Variants in LONRF2 observed in about 807,000 individuals in gnomAD.
LONRF2 encodes LON peptidase N-terminal domain and RING finger protein 2.
LONRF2 carries 35 observed loss-of-function variants against 66.6 expected under a neutral mutation model. That is an observed-to-expected ratio of 0.53 (90% CI 0.40 to 0.70). The LOEUF (loss-of-function observed/expected upper bound fraction) is 0.70, where lower values mean the gene tolerates loss of function less well. Ranked by LOEUF, LONRF2 falls within the 30% of genes least tolerant of loss-of-function variation. LONRF2 has a pLI of 0.00. For missense variants in LONRF2, 902 were observed against 1,002.1 expected (o/e 0.90, Z 1.35); for synonymous variants, 417 against 418.1 (o/e 1.00, Z 0.03).
At chr2:100,284,550 A>C in intron 11 of LONRF2, 58 bp from the exon 12 acceptor site, 1 of 1,380,058 alleles carries the variant, frequency 7.2e-7, no homozygotes. Flanking sequence ...CCTGTTCCCC[A>C]ACACAGTCTT....
rs751514318 is a variant in LONRF2 at position 100,318,403 on chromosome 2, G to A, written c.679+3012C>T. 5.9e-5 allele frequency among the ~76,000 whole-genome samples: 9 copies of A among 151,912 alleles called. No homozygotes were observed. In the East Asian group the frequency reaches 7.7e-4, roughly 13 times the overall value. ...TTTTAAATTCCACTCATAACTTATC[G>A]GCCAAAAGTAGTCACATGGCTCCAC... On this transcript the variant is annotated intron_variant, in intron 1 of 11. Transcript: ENST00000393437.
At chr2:100,302,793 T>A (rs749686747) in intron 3 of LONRF2, 128 bp downstream of exon 3, 120 of 940,620 alleles carry the variant, frequency 1.3e-4, no homozygotes, top group Non-Finnish European at 1.6e-4. Flanking sequence ...GCCATGCGTT[T>A]TTTATTGCAT....
rs1191363934 is a variant in LONRF2, at chr2:100,282,879, A to G, written c.*1419T>C. The G allele has an allele frequency of 6.9e-6, 1 of 144,758 alleles. No homozygotes were observed. The highest frequency in any genetic ancestry group is 1.5e-5 in the Non-Finnish European group (1 of 66,438). 9.0% of individuals were successfully genotyped at this position (144,758 alleles called of 1,614,324 possible). A position where few individuals can be genotyped will look rare whatever the true frequency, so the allele number is the denominator to read the frequency against. On this transcript the variant is annotated 3_prime_UTR_variant, in exon 12 of 12. Coordinates refer to ENST00000393437, the MANE Select transcript of LONRF2 (RefSeq NM_198461.4). ...TCTACTGAAAACTAAAGAAAAATTA[A>G]TAATATTATAAAGTCTTTCTAATAA...
chr2:100,319,694 C>A (rs1675582601), intron 1 of LONRF2, among the ~76,000 whole-genome samples: 1 of 152,176 alleles, frequency 6.6e-6, no homozygotes, highest in Non-Finnish European at 1.5e-5. Context: ...GATTTATTTT[C>A]TTTCTGTATA....
At position 100,306,697 on chromosome 2, in the gene LONRF2, C is replaced by T. The variant is rs548135957; in HGVS notation, c.798+2410G>A. Reference sequence around the variant, plus strand: ...ACACACTGCTGTAACCCACCTCCCCCCAGAATCTAGAAGTGCTTCTCAAAG... The same window carrying T: ...ACACACTGCTGTAACCCACCTCCCCTCAGAATCTAGAAGTGCTTCTCAAAG... On this transcript the variant is annotated intron_variant, in intron 2 of 11. Coordinates refer to ENST00000393437, the MANE Select transcript of LONRF2 (RefSeq NM_198461.4). Among the ~76,000 whole-genome samples the T allele has an allele frequency of 2.0e-4, 31 of 152,168 alleles. No individual in the cohort carries two copies. In the South Asian group the frequency reaches 6.2e-3, roughly 31 times the overall value.
Position 100,275,544 on chromosome 2 carries a change from C to G in LONRF2, c.*8754G>C, listed in dbSNP as rs1674583450. 6.6e-6 allele frequency: 1 copy of G among 152,380 alleles called. No individual in the cohort carries two copies. The highest frequency in any genetic ancestry group is 2.4e-5 in the African/African-American group (1 of 41,594). 9.4% of individuals were successfully genotyped at this position (152,380 alleles called of 1,614,324 possible). Reference sequence around the variant, plus strand: ...AGAGGCACCCTCCTCACAGAAATGACAGCCGCCAAAAGGTTTAAATGTTGC... The same window carrying G: ...AGAGGCACCCTCCTCACAGAAATGAGAGCCGCCAAAAGGTTTAAATGTTGC... On this transcript the variant is annotated 3_prime_UTR_variant, in exon 12 of 12. Transcript: ENST00000393437.
intron 9 of LONRF2, among the ~76,000 whole-genome samples, chr2:100,291,791 A>C (rs1174263464): frequency 6.6e-6 from 1 of 151,972 alleles, no homozygotes; most frequent in East Asian, 1.9e-4. Context: ...GGCTATGTCT[A>C]TTCTCATTCC....
At chr2:100,310,825 A>G (rs996151558) in intron 1 of LONRF2, among the ~76,000 whole-genome samples, 3 of 152,244 alleles carry the variant, frequency 2.0e-5, no homozygotes, top group Admixed American at 6.5e-5. Context: ...AACAAGAAGG[A>G]AAACAAATTT....
At position 100,284,385 on chromosome 2, in the gene LONRF2, G is replaced by A; in HGVS notation, c.2178C>T (p.Leu726=). The change falls in exon 12 of 12, where the codon CTC becomes CTT. Residue 726 remains leucine (L), a synonymous_variant. Transcript: ENST00000393437. ...ILGMTSLKER[L]LAIRRILVII... is the part of the protein sequence containing the mutation. ...TGACTAATATCCGTCGGATGGCAAG[G>A]AGCCGCTCTTTGAGCGAGGTCATGC... The A allele has an allele frequency of 1.9e-6, 3 of 1,600,506 alleles. No homozygotes were observed. Among genetic ancestry groups the A allele is most frequent in the Non-Finnish European group, 2.6e-6 (3 of 1,173,422 alleles).
At position 100,286,926 on chromosome 2, in the gene LONRF2, T is replaced by C; in HGVS notation, c.2058A>G (p.Glu686=). The C allele has an allele frequency of 6.2e-7, 1 of 1,613,790 alleles. No individual in the cohort carries two copies. Among genetic ancestry groups the C allele is most frequent in the South Asian group, 1.1e-5 (1 of 90,994 alleles). ...LSHFGVMPDR[E]PEPQSNPSGP... ...AGGGAGGGCATACCTGAGGCTCAGG[T>C]TCTCTGTCTGGCATTACCCCAAAAT... The change falls in exon 11 of 12, where the codon GAA becomes GAG. Residue 686 remains glutamate, a synonymous_variant. Transcript: ENST00000393437.
At chr2:100,304,486 C>T (rs1946802) in intron 2 of LONRF2, among the ~76,000 whole-genome samples, 3 of 152,110 alleles carry the variant, frequency 2.0e-5, no homozygotes, top group African/African-American at 7.2e-5. Flanking sequence ...TGAGATTGCT[C>T]TTAAGTCAAA....
chr2:100,322,192 C>T lies in LONRF2; in HGVS notation c.-99G>A. 8.7e-7 allele frequency: 1 copy of T among 1,153,912 alleles called. No individual in the cohort carries two copies. Among genetic ancestry groups the T allele is most frequent in the Non-Finnish European group, 1.1e-6 (1 of 925,190 alleles). 71.5% of individuals were successfully genotyped at this position (1,153,912 alleles called of 1,614,324 possible). ...GGCCGGCGGGAGCGCGGTCTCAGCC[C>T]TCGCCAGCAGCCACGCGCGTCTGGG... On this transcript the variant is annotated 5_prime_UTR_variant, in exon 1 of 12. Coordinates refer to ENST00000393437, the MANE Select transcript of LONRF2 (RefSeq NM_198461.4).
rs139176978 is a variant in LONRF2 at position 100,278,314 on chromosome 2, G to A, written c.*5984C>T. On this transcript the variant is annotated 3_prime_UTR_variant, in exon 12 of 12. Coordinates refer to ENST00000393437, the MANE Select transcript of LONRF2 (RefSeq NM_198461.4). ...ATTACATATTGGGGCCTTCCATAAT[G>A]TTTCCCCCTATTCCTATAAATCTTG... is the stretch of plus-strand genomic sequence containing the variant. 9 of 152,230 alleles carry A rather than the reference G, an allele frequency of 5.9e-5. No individual in the cohort carries two copies. In the East Asian group the frequency reaches 1.2e-3, roughly 20 times the overall value. 9.4% of individuals were successfully genotyped at this position (152,230 alleles called of 1,614,324 possible).
intron 1 of LONRF2, among the ~76,000 whole-genome samples, chr2:100,321,166 T>C (rs1675614348): frequency 1.3e-5 from 2 of 152,186 alleles, no homozygotes; most frequent in Non-Finnish European, 2.9e-5. Flanking sequence ...ACAGAGCTGC[T>C]CCGGGGGCCG....
chr2:100,294,793 C>A (rs80087200), intron 8 of LONRF2, among the ~76,000 whole-genome samples: 1,581 of 152,194 alleles, frequency 0.01, 24 homozygotes, highest in Middle Eastern at 0.017. Context: ...AACTGTCAAG[C>A]CTGCTGTGAT....
At chr2:100,288,054 A>T (rs1444148204) in intron 10 of LONRF2, among the ~76,000 whole-genome samples, 1 of 152,224 alleles carries the variant, frequency 6.6e-6, no homozygotes, top group Non-Finnish European at 1.5e-5. Flanking sequence ...AAATTATTTC[A>T]TGTTGTAGCT....
chr2:100,294,815 G>A (rs948047282), intron 8 of LONRF2, among the ~76,000 whole-genome samples: 2 of 151,906 alleles, frequency 1.3e-5, no homozygotes, highest in Admixed American at 6.6e-5. Context: ...CGCAATCCTG[G>A]GTATTAGTTC....
chr2:100,304,208 A>C (rs1163310425), intron 2 of LONRF2, among the ~76,000 whole-genome samples: 2 of 151,968 alleles, frequency 1.3e-5, no homozygotes, highest in Non-Finnish European at 1.5e-5. Context: ...GCTAGAACGC[A>C]ATGGCATGAT....
At chr2:100,309,771 C>G (rs1675372216) in intron 1 of LONRF2, among the ~76,000 whole-genome samples, 1 of 152,038 alleles carries the variant, frequency 6.6e-6, no homozygotes, top group Non-Finnish European at 1.5e-5. Flanking sequence ...CTCCTGGGTT[C>G]AAGCAATTCT....
Sources: allele counts gnomAD v4.1 joint callset (sites outside exome capture counted in the v4.1 genomes callset), GRCh38; gene constraint gnomAD v4.1.1; transcripts MANE v1.5; gene names NCBI Gene and HGNC (gene_info 2026-07-23, HGNC 2026-07-21).